The following AGTPBP1 variants were observed in gnomAD, a reference collection of about 807,000 sequenced individuals.
The protein encoded by AGTPBP1 is ATP/GTP binding carboxypeptidase 1.
AGTPBP1 carries 70 observed loss-of-function variants against 143.9 expected under a neutral mutation model. The observed-to-expected ratio is 0.49, with a 90% CI of 0.40 to 0.59. The LOEUF is 0.59. Ranked by LOEUF, AGTPBP1 falls within the 20% of genes least tolerant of loss-of-function variation. The pLI is 0.00. For synonymous variants in AGTPBP1, 463 were observed against 500.2 expected (o/e 0.93, Z 0.99); for missense variants, 1,229 against 1,464.5 (o/e 0.84, Z 2.62).
chr9:85,618,679 C>T (rs1233319071), intron 17 of AGTPBP1, among the ~76,000 whole-genome samples: 1 of 151,592 alleles, frequency 6.6e-6, no homozygotes, highest in Non-Finnish European at 1.5e-5. Context: ...TATTAACAGG[C>T]TAAAGAAGAA....
intron 2 of AGTPBP1, among the ~76,000 whole-genome samples, chr9:85,706,527 G>GA (rs2134422431): frequency 7.2e-6 from 1 of 139,160 alleles, no homozygotes; most frequent in African/African-American, 2.7e-5. Flanking sequence ...AAAAAAAAAA[G>GA]AAAGAAAAGA....
At chr9:85,598,518 A>G (rs1444271526) in intron 17 of AGTPBP1, among the ~76,000 whole-genome samples, 1 of 152,182 alleles carries the variant, frequency 6.6e-6, no homozygotes, top group Non-Finnish European at 1.5e-5. Context: ...GGAGTACTTT[A>G]AATTCTCATA....
chr9:85,626,216 G>A (rs1470527882), intron 14 of AGTPBP1, among the ~76,000 whole-genome samples: 1 of 151,980 alleles, frequency 6.6e-6, no homozygotes, highest in East Asian at 1.9e-4. Context: ...TACTTATAAT[G>A]GACTGTTTCT....
chr9:85,633,037 G>T lies in AGTPBP1; in HGVS notation c.1640C>A (p.Ala547Asp). 6.2e-7 allele frequency: 1 copy of T among 1,614,134 alleles called. No individual in the cohort carries two copies. Among genetic ancestry groups the T allele is most frequent in the South Asian group, 1.1e-5 (1 of 91,080 alleles). ...CTTCATTTCTGCAGTAAAACCTGGG[G>T]CTGTTTGAGAAGGAATATTCTGCAA... ...ITLQNIPSQT[A>D]PGFTAEMKKD... is the part of the protein sequence containing the mutation. Residue 547 changes from alanine (A) to aspartate (D), a missense_variant, in exon 14 of 26, where the codon GCC becomes GAC. By Grantham distance (126) the Ala-to-Asp change is moderately radical. Coordinates refer to ENST00000357081, the MANE Select transcript of AGTPBP1 (RefSeq NM_001330701.2).
chr9:85,668,259 T>C (rs916984912), intron 8 of AGTPBP1, among the ~76,000 whole-genome samples: 18 of 152,086 alleles, frequency 1.2e-4, no homozygotes, highest in African/African-American at 4.3e-4. Context: ...CTTGTTTGGA[T>C]TCTGATTCAA....
the AGTPBP1 span, among the ~76,000 whole-genome samples, chr9:85,765,336 G>A: frequency 8.5e-5 from 13 of 152,232 alleles, no homozygotes; most frequent in African/African-American, 2.9e-4. Context: ...AGATGCCTAA[G>A]GAATTAGGGG....
intron 1 of AGTPBP1, among the ~76,000 whole-genome samples, chr9:85,739,434 C>T (rs1207868357): frequency 6.6e-6 from 1 of 152,096 alleles, no homozygotes; most frequent in African/African-American, 2.4e-5. Context: ...CCAGGACGGG[C>T]GTGGTGGCGG....
At position 85,711,949 on chromosome 9, in the gene AGTPBP1, C is replaced by T. The variant is rs746173547; in HGVS notation, c.32+553G>A. On this transcript the variant is annotated intron_variant, in intron 2 of 25. Coordinates refer to ENST00000357081, the MANE Select transcript of AGTPBP1 (RefSeq NM_001330701.2). ...TATAATGTTCATGTATCACAAAATA[C>T]TATTTTTTTAACCATTTAAAAATGT... Among the ~76,000 whole-genome samples the T allele has an allele frequency of 2.0e-5, 3 of 152,090 alleles. No homozygotes were observed. The East Asian group carries it at 5.8e-4, about 29-fold the overall frequency.
chr9:85,593,072 G>A (rs966509169), intron 18 of AGTPBP1, among the ~76,000 whole-genome samples: 41 of 152,206 alleles, frequency 2.7e-4, no homozygotes, highest in African/African-American at 9.4e-4. Flanking sequence ...GGATGGATCA[G>A]GCTACAAGAC....
chr9:85,659,340 T>A (rs1478283475), intron 9 of AGTPBP1, among the ~76,000 whole-genome samples: 1 of 152,116 alleles, frequency 6.6e-6, no homozygotes, highest in African/African-American at 2.4e-5. Flanking sequence ...ACCAAAAAAA[T>A]TTTGAAAAAT....
intron 8 of AGTPBP1, among the ~76,000 whole-genome samples, chr9:85,661,861 T>C (rs1833873952): frequency 6.6e-6 from 1 of 152,176 alleles, no homozygotes. Flanking sequence ...TGCATTAAAA[T>C]TGTGTATATT....
intron 9 of AGTPBP1, among the ~76,000 whole-genome samples, chr9:85,658,138 A>G (rs988788679): frequency 1.2e-4 from 18 of 152,136 alleles, no homozygotes; most frequent in African/African-American, 4.1e-4. Context: ...TTGTGTTTCC[A>G]CTAAAATTAA....
intron 10 of AGTPBP1, among the ~76,000 whole-genome samples, chr9:85,655,976 C>G (rs553832110): frequency 9.2e-5 from 14 of 152,062 alleles, no homozygotes; most frequent in Non-Finnish European, 1.3e-4. Context: ...TACAGGTGCC[C>G]GACACCACGC....
intron 25 of AGTPBP1, among the ~76,000 whole-genome samples, chr9:85,552,604 G>A (rs992953416): frequency 3.9e-5 from 6 of 152,222 alleles, no homozygotes; most frequent in Non-Finnish European, 7.3e-5. Flanking sequence ...GTGTAAAGCA[G>A]AGATAACAAT....
upstream of AGTPBP1, among the ~76,000 whole-genome samples, chr9:85,743,486 C>T (rs1171903716): frequency 6.6e-6 from 1 of 152,188 alleles, no homozygotes; most frequent in Non-Finnish European, 1.5e-5. Context: ...GCTACTCCCC[C>T]ACCCCCTGGG....
chr9:85,767,430 C>T, the AGTPBP1 span, among the ~76,000 whole-genome samples: 1 of 151,716 alleles, frequency 6.6e-6, no homozygotes, highest in African/African-American at 2.4e-5. Flanking sequence ...TCACTACAAC[C>T]TCCGCCTGCC....
chr9:85,604,919 T>C (rs1470739444), intron 17 of AGTPBP1, among the ~76,000 whole-genome samples: 1 of 152,102 alleles, frequency 6.6e-6, no homozygotes, highest in Non-Finnish European at 1.5e-5. Flanking sequence ...AGACAGGCTA[T>C]TTGAAAACAC....
intron 1 of AGTPBP1, chr9:85,741,393 G>GCC: frequency 1.0e-6 from 1 of 985,260 alleles, no homozygotes; most frequent in Non-Finnish European, 1.2e-6. Context: ...CGGCCCTGCA[G>GCC]CCCCTCGGCT....
chr9:85,725,875 G>A (rs1038867834), intron 1 of AGTPBP1, among the ~76,000 whole-genome samples: 6 of 151,594 alleles, frequency 4.0e-5, no homozygotes, highest in South Asian at 4.2e-4. Context: ...GCGAAATCCC[G>A]TCTCTACTAA....
Sources: gnomAD v4.1 joint callset for allele counts (sites outside exome capture counted in the v4.1 genomes callset) on GRCh38, gnomAD v4.1.1 for gene constraint, MANE v1.5 for transcripts, NCBI Gene and HGNC (gene_info 2026-07-23, HGNC 2026-07-21) for gene names.